Variants in RBM25 observed in about 807,000 individuals in gnomAD.
The protein encoded by RBM25 is RNA binding motif protein 25.
RBM25 carries 19 observed loss-of-function variants against 120.7 expected under a neutral mutation model. The observed-to-expected ratio is 0.16, with a 90% CI of 0.11 to 0.23. The LOEUF is 0.23. Ranked by LOEUF, RBM25 falls within the 10% of genes least tolerant of loss-of-function variation. The pLI is 1.00. For synonymous variants in RBM25, 390 were observed against 326.7 expected, an observed-to-expected ratio of 1.19 and a Z score of -2.09; for missense variants, 605 against 1,041.5, an observed-to-expected ratio of 0.58 and a Z score of 5.77.
intron 10 of RBM25, among the ~76,000 whole-genome samples, chr14:73,103,777 C>T (rs1639974043): frequency 6.6e-6 from 1 of 152,078 alleles, no homozygotes; most frequent in African/African-American, 2.4e-5. Flanking sequence ...TGGTTTTGAA[C>T]TCCTGGCCTC....
intron 17 of RBM25, among the ~76,000 whole-genome samples, chr14:73,112,546 A>G (rs79886616): frequency 0.023 from 3,446 of 151,910 alleles, 134 homozygotes; most frequent in African/African-American, 0.076. Context: ...GTTACTGCCA[A>G]TTGTGTGCTG....
At chr14:73,094,108 C>T (rs891987335) in intron 6 of RBM25, among the ~76,000 whole-genome samples, 5 of 151,362 alleles carry the variant, frequency 3.3e-5, no homozygotes, top group Non-Finnish European at 5.9e-5. Flanking sequence ...CCCGCCACCA[C>T]GCCTGGCTAA....
At chr14:73,084,642 T>C in intron 5 of RBM25, among the ~76,000 whole-genome samples, 1 of 151,948 alleles carries the variant, frequency 6.6e-6, no homozygotes, top group East Asian at 1.9e-4. Flanking sequence ...AACTTCCACC[T>C]CCCAGGTTCA....
intron 1 of RBM25, among the ~76,000 whole-genome samples, chr14:73,061,831 G>C (rs1040547515): frequency 1.2e-4 from 18 of 151,424 alleles, no homozygotes; most frequent in African/African-American, 4.1e-4. Flanking sequence ...CTCCCAAAGT[G>C]CTGGGATTAC....
At chr14:73,065,369 C>T (rs939394844) in intron 1 of RBM25, among the ~76,000 whole-genome samples, 4 of 151,756 alleles carry the variant, frequency 2.6e-5, no homozygotes, top group Admixed American at 6.6e-5. Context: ...CTCAAGTGAT[C>T]GGTCTGCCTC....
At position 73,096,968 on chromosome 14, in the gene RBM25, A is replaced by T; in HGVS notation, c.597A>T (p.Glu199Asp). The stretch of plus-strand genomic sequence containing the variant: ...ACGATGAAGAAGCCTTGGATGAAGA[A>T]ACAAAGAGGAGAGATCAGATGATTA... ...TNDDEEALDE[E>D]TKRRDQMIKG... Residue 199 changes from glutamate to aspartate, a missense_variant, in exon 7 of 19, where the codon GAA becomes GAT. Glu to Asp is a conservative substitution (Grantham distance 45). Coordinates refer to ENST00000261973, the MANE Select transcript of RBM25 (RefSeq NM_021239.3). 1.2e-6 allele frequency: 2 copies of T among 1,613,842 alleles called. No individual in the cohort carries two copies. The highest frequency in any genetic ancestry group is 2.2e-5 in the East Asian group (1 of 44,836).
chr14:73,062,349 T>C (rs1249526908), intron 1 of RBM25, among the ~76,000 whole-genome samples: 1 of 151,344 alleles, frequency 6.6e-6, no homozygotes, highest in Non-Finnish European at 1.5e-5. Context: ...ACCTGACACA[T>C]AATTGGAAGT....
At chr14:73,076,072 A>G (rs973044364) in intron 2 of RBM25, among the ~76,000 whole-genome samples, 4 of 152,188 alleles carry the variant, frequency 2.6e-5, no homozygotes, top group Non-Finnish European at 5.9e-5. Context: ...CCAGGATTTT[A>G]TGCTCTTTAA....
intron 10 of RBM25, among the ~76,000 whole-genome samples, chr14:73,104,355 T>A (rs1234040152): frequency 2.0e-5 from 3 of 151,736 alleles, no homozygotes; most frequent in Admixed American, 6.6e-5. Flanking sequence ...TTATTTAAAA[T>A]TTTTTAATTA....
intron 4 of RBM25, among the ~76,000 whole-genome samples, chr14:73,079,152 G>A (rs1895497157): frequency 6.7e-6 from 1 of 149,598 alleles, no homozygotes; most frequent in Non-Finnish European, 1.5e-5. Flanking sequence ...GCCAGGTGCG[G>A]TGTCTCACAC....
At chr14:73,105,144 T>TTTTTTTTG (rs1896156284) in intron 10 of RBM25, among the ~76,000 whole-genome samples, 1 of 126,376 alleles carries the variant, frequency 7.9e-6, no homozygotes, top group African/African-American at 2.7e-5. Context: ...TTTTTTTTTT[T>TTTTTTTTG]GGAGACGGGC....
intron 5 of RBM25, among the ~76,000 whole-genome samples, chr14:73,086,315 T>C (rs543819217): frequency 6.6e-6 from 1 of 151,904 alleles, no homozygotes; most frequent in African/African-American, 2.4e-5. Flanking sequence ...GTGCGCTCCT[T>C]TAGTCTGAGC....
chr14:73,119,165 C>T (rs996986910), intron 18 of RBM25, among the ~76,000 whole-genome samples: 37 of 152,256 alleles, frequency 2.4e-4, no homozygotes, highest in African/African-American at 8.4e-4. Context: ...AAAACAAATA[C>T]GTATTATAAA....
chr14:73,099,764 C>G lies in RBM25; in HGVS notation c.867+14C>G. 1.9e-6 allele frequency: 3 copies of G among 1,591,456 alleles called. No individual in the cohort carries two copies. Among genetic ancestry groups the G allele is most frequent in the Non-Finnish European group, 2.6e-6 (3 of 1,174,276 alleles). ...GACACACATAAGGTAGTATTCTTGT[C>G]TTTTCACTTGATACCAATCTAGACT... is the stretch of plus-strand genomic sequence containing the variant. On this transcript the variant is annotated intron_variant, in intron 9 of 18. Coordinates refer to ENST00000261973, the MANE Select transcript of RBM25 (RefSeq NM_021239.3).
intron 2 of RBM25, among the ~76,000 whole-genome samples, chr14:73,074,449 T>C (rs545085265): frequency 7.2e-5 from 11 of 152,146 alleles, no homozygotes; most frequent in African/African-American, 2.6e-4. Context: ...CTAGAAGTTA[T>C]AGGCTGGGCA....
intron 9 of RBM25, chr14:73,099,970 G>A (rs1036571291): frequency 1.7e-5 from 10 of 589,754 alleles, no homozygotes; most frequent in South Asian, 1.5e-4. Flanking sequence ...CTATTCTGCA[G>A]TCATCTCACT....
rs373675675 is a variant in RBM25, at chr14:73,091,933, A to G, written c.543+3772A>G. ...TCACACAGAAAAATTATTTTTAATA[A>G]AAAATTAAAACAATTGACAGATATC... On this transcript the variant is annotated intron_variant, in intron 6 of 18. Transcript: ENST00000261973. 4.6e-4 allele frequency among the ~76,000 whole-genome samples: 70 copies of G among 151,258 alleles called. No individual in the cohort carries two copies. The South Asian group carries it at 0.011, about 23-fold the overall frequency.
rs1896175049 is a variant in RBM25 at position 73,105,883 on chromosome 14, G to A, written c.1179G>A (p.Arg393=). 6.2e-7 allele frequency: 1 copy of A among 1,611,324 alleles called. No individual in the cohort carries two copies. Among genetic ancestry groups the A allele is most frequent in the Admixed American group, 1.7e-5 (1 of 59,640 alleles). The change falls in exon 11 of 19, where the codon AGG becomes AGA. Residue 393 remains arginine, a synonymous_variant. Coordinates refer to ENST00000261973, the MANE Select transcript of RBM25 (RefSeq NM_021239.3). The part of the protein sequence containing the change: ...RSREKSRDRE[R]ERERERERER... ...GAGAAAAAAGCAGAGATCGTGAAAG[G>A]GAACGAGAGCGGGAAAGAGAGAGAG...
At chr14:73,066,672 C>G (rs985663510) in intron 1 of RBM25, among the ~76,000 whole-genome samples, 1 of 150,772 alleles carries the variant, frequency 6.6e-6, no homozygotes, top group African/African-American at 2.4e-5. Flanking sequence ...AAAATGCATC[C>G]TAGGGATTCC....
Sources: allele counts gnomAD v4.1 joint callset (sites outside exome capture counted in the v4.1 genomes callset), GRCh38; gene constraint gnomAD v4.1.1; transcripts MANE v1.5; gene names NCBI Gene and HGNC (gene_info 2026-07-23, HGNC 2026-07-21).